The following BRWD1 variants were observed in gnomAD, a reference collection of about 807,000 sequenced individuals.
BRWD1 encodes bromodomain and WD repeat-containing protein 1.
Under a neutral mutation model 251.2 loss-of-function variants are expected in BRWD1, and 82 were observed. The ratio of observed to expected loss-of-function variants is 0.33; its 90% CI spans 0.27 to 0.39. The LOEUF (loss-of-function observed/expected upper bound fraction) is 0.39, where lower values mean the gene tolerates loss of function less well. Ranked by LOEUF, BRWD1 falls within the 10% of genes least tolerant of loss-of-function variation. The probability of loss-of-function intolerance (pLI) is 1.00; values close to 1 mark genes in which losing one functional copy is unlikely to be tolerated. For synonymous variants in BRWD1, 918 were observed against 902.8 expected, an observed-to-expected ratio of 1.02 and a Z score of -0.30; for missense variants, 2,233 against 2,711.6, an observed-to-expected ratio of 0.82 and a Z score of 3.92.
intron 19 of BRWD1, among the ~76,000 whole-genome samples, chr21:39,252,650 C>T (rs1601389749): frequency 6.6e-6 from 1 of 152,264 alleles, no homozygotes; most frequent in South Asian, 2.1e-4. Context: ...GAGCTATGTT[C>T]TTTTTTGTGA....
chr21:39,227,583 C>T (rs990952256), intron 27 of BRWD1, among the ~76,000 whole-genome samples: 7 of 152,010 alleles, frequency 4.6e-5, no homozygotes, highest in Admixed American at 3.3e-4. Context: ...TAATTTTACT[C>T]GAATGTGTAA....
chr21:39,280,343 G>T, intron 8 of BRWD1, 95 bp from the exon 9 acceptor site: 2 of 935,010 alleles, frequency 2.1e-6, no homozygotes, highest in Non-Finnish European at 3.2e-6. Context: ...GACAGTTTCA[G>T]GAAATAAACA....
rs778425297 is a variant in BRWD1, at chr21:39,232,537, AG to A, written c.2767-40del. On this transcript the variant is annotated intron_variant, in intron 23 of 40. Coordinates refer to ENST00000342449, the MANE Select transcript of BRWD1 (RefSeq NM_033656.4). ...GAGAACAAAGTTTCTTAGATTAGAA[AG>A]GGGCAGCATGCACTGTCTGAATGAA... 2.3e-5 allele frequency: 37 copies of A among 1,577,112 alleles called. No individual in the cohort carries two copies. The South Asian group carries it at 4.5e-4, about 19-fold the overall frequency.
At chr21:39,273,136 A>G (rs755731467) in intron 13 of BRWD1, among the ~76,000 whole-genome samples, 2 of 152,334 alleles carry the variant, frequency 1.3e-5, no homozygotes, top group Non-Finnish European at 2.9e-5. Context: ...CAAGAAAACT[A>G]AACAGTTTTC....
intron 38 of BRWD1, 52 bp from the exon 39 acceptor site, chr21:39,200,438 C>T (rs368929231): frequency 2.0e-6 from 3 of 1,468,876 alleles, no homozygotes; most frequent in African/African-American, 1.4e-5. Context: ...TCTTTACACA[C>T]ATAAGCAAGC....
chr21:39,269,773 T>A, intron 15 of BRWD1, 126 bp downstream of exon 15: 6 of 742,992 alleles, frequency 8.1e-6, no homozygotes, highest in Non-Finnish European at 1.2e-5. Flanking sequence ...TTAGCAGGCT[T>A]TGAATATGCT....
intron 4 of BRWD1, among the ~76,000 whole-genome samples, chr21:39,307,643 G>C (rs918863727): frequency 4.6e-5 from 7 of 152,184 alleles, no homozygotes; most frequent in East Asian, 1.9e-4. Flanking sequence ...GGTTATGATA[G>C]AAGATTATAG....
intron 17 of BRWD1, among the ~76,000 whole-genome samples, chr21:39,261,437 T>G (rs777817585): frequency 6.6e-6 from 1 of 152,176 alleles, no homozygotes; most frequent in Non-Finnish European, 1.5e-5. Flanking sequence ...AGACATGTAT[T>G]CATGTGCAGA....
At chr21:39,267,604 A>G (rs1322233989) in intron 15 of BRWD1, among the ~76,000 whole-genome samples, 1 of 152,194 alleles carries the variant, frequency 6.6e-6, no homozygotes, top group Non-Finnish European at 1.5e-5. Flanking sequence ...GTCTCAAACA[A>G]AACAATAAAA....
chr21:39,280,067 T>G, intron 9 of BRWD1, 81 bp downstream of exon 9: 1 of 1,052,032 alleles, frequency 9.5e-7, no homozygotes, highest in Non-Finnish European at 1.4e-6. Flanking sequence ...CAATTTCTCA[T>G]AACAATAAAA....
chr21:39,233,714 G>A (rs2033707138), intron 23 of BRWD1, among the ~76,000 whole-genome samples: 1 of 152,192 alleles, frequency 6.6e-6, no homozygotes, highest in Non-Finnish European at 1.5e-5. Flanking sequence ...TGGAGATGGA[G>A]AAGTGTTAAT....
intron 4 of BRWD1, among the ~76,000 whole-genome samples, chr21:39,304,406 T>C (rs910206817): frequency 3.3e-5 from 5 of 150,764 alleles, no homozygotes; most frequent in African/African-American, 1.2e-4. Flanking sequence ...AGTCCAAGAG[T>C]TCAAGATGAG....
intron 29 of BRWD1, among the ~76,000 whole-genome samples, chr21:39,223,463 C>A (rs2033260735): frequency 6.6e-6 from 1 of 152,064 alleles, no homozygotes; most frequent in Non-Finnish European, 1.5e-5. Flanking sequence ...AAACAATGGA[C>A]ACAAGAGATA....
chr21:39,285,649 G>A (rs2035608368), intron 8 of BRWD1, among the ~76,000 whole-genome samples: 1 of 152,106 alleles, frequency 6.6e-6, no homozygotes, highest in Non-Finnish European at 1.5e-5. Context: ...TAGGCTAGGT[G>A]TGGTGGCTCA....
upstream of BRWD1, chr21:39,314,019 G>T (rs1047438618): frequency 2.2e-6 from 1 of 454,934 alleles, no homozygotes; most frequent in South Asian, 1.6e-5. Context: ...CTCTACGCGG[G>T]ACCGCAGGGG....
chr21:39,317,282 G>C (rs1377489377), upstream of BRWD1: 1 of 152,196 alleles, frequency 6.6e-6, no homozygotes, highest in African/African-American at 2.4e-5. Context: ...TTTGCTTTTG[G>C]GTAAATGGAA....
At chr21:39,314,049 C>T (rs1263401207), upstream of BRWD1, 2 of 455,878 alleles carry the variant, frequency 4.4e-6, no homozygotes, top group Middle Eastern at 3.3e-4. Flanking sequence ...GCGGGTTGGG[C>T]AAGGTCGCCC....
chr21:39,258,460 G>T, intron 18 of BRWD1, 27 bp downstream of exon 18: 2 of 1,515,128 alleles, frequency 1.3e-6, no homozygotes, highest in Non-Finnish European at 1.8e-6. Flanking sequence ...GCCATATTCA[G>T]GTAAAACATT....
chr21:39,249,622 CAT>C (rs1400101462), intron 20 of BRWD1, among the ~76,000 whole-genome samples: 3 of 152,288 alleles, frequency 2.0e-5, no homozygotes, highest in South Asian at 2.1e-4. Context: ...TCAATTTTCA[CAT>C]GAGTGGCCAT....
Sources: allele counts gnomAD v4.1 joint callset (sites outside exome capture counted in the v4.1 genomes callset), GRCh38; gene constraint gnomAD v4.1.1; transcripts MANE v1.5; gene names NCBI Gene and HGNC (gene_info 2026-07-23, HGNC 2026-07-21).